PELI2: variants seen among roughly 807,000 people sequenced by gnomAD.
PELI2 encodes the protein E3 ubiquitin-protein ligase pellino homolog 2.
Under a neutral mutation model 42.3 loss-of-function variants are expected in PELI2, and 23 were observed. That is an observed-to-expected ratio of 0.54 (90% CI 0.39 to 0.77). The LOEUF is 0.77. Among genes scored for constraint, PELI2 ranks in the 30% least tolerant of loss-of-function variants. PELI2 has a pLI of 0.00. For synonymous variants in PELI2, 245 were observed against 212.2 expected (o/e 1.15, Z -1.34); for missense variants, 463 against 553.2 (o/e 0.84, Z 1.64).
At chr14:56,245,794 A>C (rs909398399) in intron 2 of PELI2, among the ~76,000 whole-genome samples, 1 of 152,262 alleles carries the variant, frequency 6.6e-6, no homozygotes, top group Non-Finnish European at 1.5e-5. Flanking sequence ...TGTATTGTAT[A>C]TCAATAAGCA....
intron 2 of PELI2, among the ~76,000 whole-genome samples, chr14:56,228,959 C>T (rs1887459735): frequency 6.6e-6 from 1 of 152,260 alleles, no homozygotes; most frequent in Non-Finnish European, 1.5e-5. Flanking sequence ...ATATCCCACA[C>T]CTGGCTTGGG....
At chr14:56,251,192 G>A (rs551304212) in intron 2 of PELI2, among the ~76,000 whole-genome samples, 1 of 152,314 alleles carries the variant, frequency 6.6e-6, no homozygotes, top group Non-Finnish European at 1.5e-5. Context: ...CTCACAGCGG[G>A]CAGCAGGAGC....
chr14:56,286,524 A>G (rs149819116), intron 3 of PELI2, among the ~76,000 whole-genome samples: 4 of 152,188 alleles, frequency 2.6e-5, no homozygotes, highest in Non-Finnish European at 5.9e-5. Flanking sequence ...TTATATGACT[A>G]CCGGCATTCT....
chr14:56,217,514 C>T (rs1594649188), intron 2 of PELI2, among the ~76,000 whole-genome samples: 2 of 152,220 alleles, frequency 1.3e-5, no homozygotes, highest in South Asian at 2.1e-4. Context: ...AGAGGTCCCC[C>T]GTCTGCCACT....
chr14:56,168,684 C>T (rs963604084), intron 1 of PELI2, among the ~76,000 whole-genome samples: 64 of 151,978 alleles, frequency 4.2e-4, no homozygotes, highest in Non-Finnish European at 1.2e-4. Context: ...CGTGCTGGTA[C>T]GTAAGGTGCA....
chr14:56,286,527 G>A (rs1243113015), intron 3 of PELI2, among the ~76,000 whole-genome samples: 2 of 152,068 alleles, frequency 1.3e-5, no homozygotes, highest in African/African-American at 2.4e-5. Context: ...TATGACTACC[G>A]GCATTCTGTG....
intron 1 of PELI2, among the ~76,000 whole-genome samples, chr14:56,120,802 G>C (rs1156887541): frequency 1.3e-5 from 2 of 152,180 alleles, no homozygotes; most frequent in East Asian, 3.9e-4. Flanking sequence ...GCTTAGGTGG[G>C]TATTGGTTTC....
chr14:56,285,455 T>C (rs566090610), intron 3 of PELI2, among the ~76,000 whole-genome samples: 1 of 152,210 alleles, frequency 6.6e-6, no homozygotes, highest in East Asian at 1.9e-4. Context: ...GGAGATTGGG[T>C]GTGCCGGTCT....
At chr14:56,264,278 C>G (rs1172851042) in intron 2 of PELI2, among the ~76,000 whole-genome samples, 1 of 152,152 alleles carries the variant, frequency 6.6e-6, no homozygotes, top group Non-Finnish European at 1.5e-5. Flanking sequence ...TTCCCCCAAC[C>G]ATGGTGTTGA....
chr14:56,215,328 AC>A, intron 2 of PELI2, among the ~76,000 whole-genome samples: 1 of 152,262 alleles, frequency 6.6e-6, no homozygotes, highest in East Asian at 1.9e-4. Context: ...AGGATAGACA[AC>A]CCTATACTGT....
At chr14:56,151,720 A>G (rs746446432) in intron 1 of PELI2, among the ~76,000 whole-genome samples, 5 of 152,238 alleles carry the variant, frequency 3.3e-5, no homozygotes, top group Non-Finnish European at 5.9e-5. Context: ...AACAGTATCA[A>G]GTAAGCATTT....
intron 2 of PELI2, among the ~76,000 whole-genome samples, chr14:56,277,514 A>G (rs1023381429): frequency 1.3e-5 from 2 of 152,074 alleles, no homozygotes; most frequent in Admixed American, 6.6e-5. Context: ...ATTACATATT[A>G]CAATGTAATA....
chr14:56,289,329 T>C (rs1240458964), intron 4 of PELI2, among the ~76,000 whole-genome samples: 1 of 152,176 alleles, frequency 6.6e-6, no homozygotes, highest in Non-Finnish European at 1.5e-5. Flanking sequence ...CCTCCCGTGG[T>C]GCACCAGCCT....
rs1341060229 is a variant in PELI2, at chr14:56,118,615, G to GTC, written c.-46_-45insTC. 9.0e-6 allele frequency: 11 copies of GTC among 1,228,962 alleles called. No individual in the cohort carries two copies. The African/African-American group carries it at 1.8e-4, about 21-fold the overall frequency. 76.1% of individuals were successfully genotyped at this position (1,228,962 alleles called of 1,614,324 possible). On this transcript the variant is annotated 5_prime_UTR_variant, in exon 1 of 6. Transcript: ENST00000267460. Reference sequence around the variant, plus strand: ...GCGCGGACTCGGCGGGGATCGCGGCGGAGGCGGCGGCGTCGGCGGCGGCGT... The same window carrying GTC: ...GCGCGGACTCGGCGGGGATCGCGGCGTCGAGGCGGCGGCGTCGGCGGCGGCGT...
intron 2 of PELI2, among the ~76,000 whole-genome samples, chr14:56,190,601 G>C (rs982396423): frequency 6.6e-6 from 1 of 151,918 alleles, no homozygotes; most frequent in South Asian, 2.1e-4. Context: ...TTGGTACTTT[G>C]TACAGTTGGA....
chr14:56,157,535 C>A (rs1053493246), intron 1 of PELI2, among the ~76,000 whole-genome samples: 2 of 151,862 alleles, frequency 1.3e-5, no homozygotes, highest in Admixed American at 1.3e-4. Flanking sequence ...AATCACTCCC[C>A]CCCAAAAAAA....
At chr14:56,249,958 A>T (rs1345947299) in intron 2 of PELI2, among the ~76,000 whole-genome samples, 1 of 152,204 alleles carries the variant, frequency 6.6e-6, no homozygotes, top group African/African-American at 2.4e-5. Flanking sequence ...ACTAGATCAG[A>T]GAAGTGTTTC....
chr14:56,119,618 G>A (rs1474293337), intron 1 of PELI2: 1 of 220,712 alleles, frequency 4.5e-6, no homozygotes, highest in Non-Finnish European at 7.7e-6. Flanking sequence ...GAGTTTCCTT[G>A]TGACATTTCT....
intron 2 of PELI2, among the ~76,000 whole-genome samples, chr14:56,210,540 T>C (rs551067289): frequency 2.6e-5 from 4 of 152,148 alleles, no homozygotes; most frequent in South Asian, 4.1e-4. Flanking sequence ...GAAACAAAAA[T>C]TGTGGAATTA....
Sources: allele counts gnomAD v4.1 joint callset (sites outside exome capture counted in the v4.1 genomes callset), GRCh38; gene constraint gnomAD v4.1.1; transcripts MANE v1.5; gene names NCBI Gene and HGNC (gene_info 2026-07-23, HGNC 2026-07-21).